Variants in PCDH15 observed in about 807,000 individuals in gnomAD.
PCDH15 encodes the protein protocadherin related 15.
A neutral mutation model predicts 178.5 loss-of-function variants in PCDH15; 129 were observed. The ratio of observed to expected loss-of-function variants is 0.72; its 90% CI spans 0.63 to 0.84. The LOEUF (loss-of-function observed/expected upper bound fraction) is 0.84. PCDH15 is among the 40% of genes least tolerant of loss of function. PCDH15 has a pLI of 0.00. For synonymous variants in PCDH15, 800 were observed against 732.0 expected, an observed-to-expected ratio of 1.09 and a Z score of -1.50; for missense variants, 2,230 against 2,099.9, an observed-to-expected ratio of 1.06 and a Z score of -1.21.
chr10:54,105,172 G>T (rs143253215), intron 15 of PCDH15, among the ~76,000 whole-genome samples: 1,890 of 150,358 alleles, frequency 0.013, 25 homozygotes, highest in African/African-American at 0.031. Flanking sequence ...TTAATATTCA[G>T]TTCCTCTAGA....
intron 2 of PCDH15, among the ~76,000 whole-genome samples, chr10:55,456,865 G>A (rs1839565592): frequency 6.6e-6 from 1 of 152,040 alleles, no homozygotes; most frequent in Non-Finnish European, 1.5e-5. Context: ...GTTCTGAGCA[G>A]TAACTGGTAA....
At chr10:54,106,473 G>A (rs2094919620) in intron 15 of PCDH15, among the ~76,000 whole-genome samples, 1 of 152,180 alleles carries the variant, frequency 6.6e-6, no homozygotes, top group African/African-American at 2.4e-5. Flanking sequence ...TAACACACAG[G>A]TATCTTCCTA....
At chr10:55,414,673 G>T in intron 2 of PCDH15, among the ~76,000 whole-genome samples, 1 of 151,072 alleles carries the variant, frequency 6.6e-6, no homozygotes, top group Non-Finnish European at 1.5e-5. Flanking sequence ...TTTCATTTTA[G>T]ATAGATAATT....
At chr10:54,887,762 T>TTATCTTTTAGGTTTCA in intron 3 of PCDH15, among the ~76,000 whole-genome samples, 1 of 152,140 alleles carries the variant, frequency 6.6e-6, no homozygotes, top group African/African-American at 2.4e-5. Flanking sequence ...GGCTGACCTT[T>TTATCTTTTAGGTTTCA]CAGTCTTAGT....
At chr10:54,706,788 T>C (rs1271746248) in intron 1 of PCDH15, among the ~76,000 whole-genome samples, 1 of 152,116 alleles carries the variant, frequency 6.6e-6, no homozygotes, top group Non-Finnish European at 1.5e-5. Flanking sequence ...CATGCCCGGC[T>C]ATTTTTTGTA....
intron 2 of PCDH15, among the ~76,000 whole-genome samples, chr10:55,090,310 CA>C (rs1217176592): frequency 6.6e-6 from 1 of 151,992 alleles, no homozygotes; most frequent in Non-Finnish European, 1.5e-5. Flanking sequence ...TTCATTTCAG[CA>C]CAGAGTAGAG....
intron 1 of PCDH15, among the ~76,000 whole-genome samples, chr10:54,733,271 G>A (rs1943652680): frequency 1.3e-5 from 2 of 151,498 alleles, no homozygotes; most frequent in Admixed American, 1.3e-4. Context: ...TTCAAGAATA[G>A]CAAAAGAATT....
intron 8 of PCDH15, among the ~76,000 whole-genome samples, chr10:54,253,518 A>G (rs555758705): frequency 1.1e-3 from 160 of 152,028 alleles, no homozygotes; most frequent in Non-Finnish European, 1.9e-3. Context: ...GAGGACACAT[A>G]ATACTTTACA....
chr10:54,626,298 A>T (rs896328067), intron 2 of PCDH15, among the ~76,000 whole-genome samples: 15 of 152,172 alleles, frequency 9.9e-5, no homozygotes, highest in African/African-American at 3.6e-4. Flanking sequence ...AACAAGGAAC[A>T]CAATAGGGGA....
Position 55,173,491 on chromosome 10 carries a change from G to A in PCDH15, c.-155-6840C>T, listed in dbSNP as rs929245061. 1.9e-4 allele frequency among the ~76,000 whole-genome samples: 29 copies of A among 151,910 alleles called. No individual in the cohort carries two copies. In the East Asian group the frequency reaches 5.4e-3, roughly 28 times the overall value. On this transcript the variant is annotated intron_variant, in intron 1 of 5. Coordinates refer to the PCDH15 transcript ENST00000458638. Reference sequence around the variant, plus strand: ...ATAGAAAATCATAGTTAATTTCATAGGTAAAAATTAATATGACATCGTTTA... The same window carrying A: ...ATAGAAAATCATAGTTAATTTCATAAGTAAAAATTAATATGACATCGTTTA...
intron 3 of PCDH15, among the ~76,000 whole-genome samples, chr10:54,877,965 T>TGAAACGGAG (rs1954181001): frequency 3.1e-5 from 1 of 32,448 alleles, no homozygotes; most frequent in Non-Finnish European, 6.2e-5. Flanking sequence ...TTTTTTTTTT[T>TGAAACGGAG]TTTTTTTTTT....
intron 3 of PCDH15, among the ~76,000 whole-genome samples, chr10:54,439,345 G>A (rs2075650273): frequency 6.6e-6 from 1 of 151,852 alleles, no homozygotes; most frequent in African/African-American, 2.4e-5. Flanking sequence ...CATCATATTG[G>A]GAAGCTTCAT....
chr10:53,901,355 C>T (rs1302384751), intron 26 of PCDH15, among the ~76,000 whole-genome samples: 2 of 152,086 alleles, frequency 1.3e-5, no homozygotes, highest in Non-Finnish European at 2.9e-5. Flanking sequence ...ACAAAAACCA[C>T]CAAGTCATTC....
intron 2 of PCDH15, among the ~76,000 whole-genome samples, chr10:55,132,255 G>C (rs1315285065): frequency 6.6e-6 from 1 of 152,106 alleles, no homozygotes; most frequent in Admixed American, 6.6e-5. Flanking sequence ...CTCACAAAAG[G>C]CTCTGTTTTA....
chr10:54,409,219 C>T (rs1303918298), intron 3 of PCDH15, among the ~76,000 whole-genome samples: 1 of 152,108 alleles, frequency 6.6e-6, no homozygotes. Flanking sequence ...GTAAATCGTC[C>T]AGTCTCAGGT....
Position 53,933,537 on chromosome 10 carries a change from T to G in PCDH15, c.3373+5278A>C, listed in dbSNP as rs1454938729. Among the ~76,000 whole-genome samples the G allele has an allele frequency of 5.3e-5, 8 of 152,334 alleles. No homozygotes were observed. In the East Asian group the frequency reaches 1.5e-3, roughly 29 times the overall value. On this transcript the variant is annotated intron_variant, in intron 25 of 37. Transcript: ENST00000644397. ...TTTATGGCTGTATAGTATTCCATGG[T>G]GTATATGTGCCACATTTTCTTAATC...
At chr10:55,149,662 C>T (rs991299191) in intron 2 of PCDH15, among the ~76,000 whole-genome samples, 9 of 149,306 alleles carry the variant, frequency 6.0e-5, no homozygotes, top group African/African-American at 9.8e-5. Flanking sequence ...ATTCTTGAGT[C>T]GTTTTCAGGT....
At chr10:54,269,914 A>G (rs1219440415) in intron 8 of PCDH15, among the ~76,000 whole-genome samples, 2 of 152,064 alleles carry the variant, frequency 1.3e-5, no homozygotes, top group African/African-American at 4.8e-5. Context: ...AATGATACAC[A>G]TAATAAATTT....
intron 14 of PCDH15, among the ~76,000 whole-genome samples, chr10:54,133,792 T>C (rs1455368990): frequency 6.6e-6 from 1 of 152,044 alleles, no homozygotes; most frequent in Non-Finnish European, 1.5e-5. Flanking sequence ...AGCTGAAATA[T>C]ATCAATGAGA....
Sources: gnomAD v4.1 joint callset for allele counts (sites outside exome capture counted in the v4.1 genomes callset) on GRCh38, gnomAD v4.1.1 for gene constraint, MANE v1.5 for transcripts, NCBI Gene and HGNC (gene_info 2026-07-23, HGNC 2026-07-21) for gene names.